GET1: variants seen among roughly 807,000 people sequenced by gnomAD.
GET1 encodes the protein congenital heart disease 5 protein.
Under a neutral mutation model 22.6 loss-of-function variants are expected in GET1, and 20 were observed. That is an observed-to-expected ratio of 0.89 (90% CI 0.62 to 1.29). The LOEUF (loss-of-function observed/expected upper bound fraction) is 1.29, where lower values mean the gene tolerates loss of function less well. Among genes scored for constraint, GET1 ranks in the 50% most tolerant of loss-of-function variants. GET1 has a pLI of 0.00. For missense variants in GET1, 209 were observed against 219.9 expected (o/e 0.95, Z 0.31); for synonymous variants, 92 against 83.8 (o/e 1.10, Z -0.53).
intron 1 of GET1, among the ~76,000 whole-genome samples, chr21:39,383,428 C>T (rs542717943): frequency 1.3e-5 from 2 of 150,676 alleles, no homozygotes; most frequent in African/African-American, 2.4e-5. Flanking sequence ...ATTACAGGTG[C>T]CCGCCACTAT....
downstream of GET1, chr21:39,406,617 A>G (rs1569057309): frequency 1.3e-6 from 2 of 1,556,654 alleles, no homozygotes; most frequent in Non-Finnish European, 1.7e-6. Context: ...ATAAATCTAT[A>G]TTAGAAAAAT....
chr21:39,413,746 T>C (rs548399499), intron 1 of GET1: 3 of 152,366 alleles, frequency 2.0e-5, no homozygotes, highest in South Asian at 2.1e-4. Context: ...TGAAGGATAC[T>C]GTGTAAAACA....
chr21:39,406,428 T>C (rs1003718729), exon 5 of GET1: 2 of 1,614,172 alleles, frequency 1.2e-6, no homozygotes, highest in Non-Finnish European at 1.7e-6. Flanking sequence ...ACTTTTCTCT[T>C]ACTAGAACAT....
chr21:39,428,485 C>T, exon 2 of GET1: 1 of 1,570,322 alleles, frequency 6.4e-7, no homozygotes. Flanking sequence ...TTAGATCAGC[C>T]AAAGACATAG....
intron 1 of GET1, chr21:39,420,554 T>C (rs1356246676): frequency 2.8e-5 from 8 of 290,200 alleles, no homozygotes; most frequent in African/African-American, 1.1e-4. Flanking sequence ...TAAACAGAAC[T>C]GTGGATGGGG....
intron 1 of GET1, among the ~76,000 whole-genome samples, chr21:39,419,152 CA>C (rs1307652147): frequency 1.3e-5 from 2 of 152,148 alleles, no homozygotes; most frequent in African/African-American, 4.8e-5. Flanking sequence ...CCCAACTCCT[CA>C]CCCCCCACTA....
chr21:39,405,674 A>C (rs1022702799), intron 4 of GET1, among the ~76,000 whole-genome samples: 2 of 152,200 alleles, frequency 1.3e-5, no homozygotes, highest in African/African-American at 4.8e-5. Context: ...TAAAGATGTA[A>C]ATTTGTATTT....
chr21:39,399,641 A>G (rs1283257925), downstream of GET1, among the ~76,000 whole-genome samples: 3 of 151,990 alleles, frequency 2.0e-5, no homozygotes, highest in African/African-American at 7.2e-5. Flanking sequence ...GGGTTTCACT[A>G]TGTTGGCCGG....
intron 4 of GET1, 79 bp downstream of exon 4, chr21:39,393,359 C>G: frequency 8.9e-7 from 1 of 1,122,722 alleles, no homozygotes; most frequent in Non-Finnish European, 1.3e-6. Context: ...TTAAGTTAGC[C>G]TGACATCCTC....
At chr21:39,391,177 GA>G in intron 2 of GET1, 7 of 227,518 alleles carry the variant, frequency 3.1e-5, no homozygotes, top group South Asian at 6.5e-5. Flanking sequence ...GAGAAGCCCA[GA>G]AAAAAAGTCT....
At chr21:39,405,282 G>A (rs562299499) in intron 4 of GET1, among the ~76,000 whole-genome samples, 4 of 152,074 alleles carry the variant, frequency 2.6e-5, no homozygotes, top group South Asian at 4.2e-4. Context: ...CTGAAGCCTC[G>A]ACCTGGGCAC....
downstream of GET1, among the ~76,000 whole-genome samples, chr21:39,400,863 C>G (rs2038822192): frequency 6.6e-6 from 1 of 151,580 alleles, no homozygotes; most frequent in African/African-American, 2.4e-5. Flanking sequence ...ATATTGGACT[C>G]TAAAGGGTAG....
chr21:39,394,161 C>G (rs1331564409), intron 4 of GET1, among the ~76,000 whole-genome samples: 1 of 151,956 alleles, frequency 6.6e-6, no homozygotes, highest in Admixed American at 6.6e-5. Context: ...GAAACCCTAT[C>G]TCTACTAAAA....
chr21:39,405,803 TCACA>T, intron 4 of GET1: 2 of 1,121,076 alleles, frequency 1.8e-6, no homozygotes, highest in Non-Finnish European at 2.5e-6. Context: ...ACTCCCTCTC[TCACA>T]CATTTCAAAA....
chr21:39,381,030 A>G, intron 1 of GET1: 1 of 803,858 alleles, frequency 1.2e-6, no homozygotes, highest in Non-Finnish European at 1.5e-6. Flanking sequence ...CCAGGTAGTG[A>G]GTACATTACC....
intron 1 of GET1, among the ~76,000 whole-genome samples, chr21:39,425,386 A>G (rs2074489475): frequency 6.6e-6 from 1 of 152,228 alleles, no homozygotes; most frequent in African/African-American, 2.4e-5. Flanking sequence ...GAAAGAACTC[A>G]TAGATTATAC....
chr21:39,390,879 C>T lies in GET1; in HGVS notation c.268+16C>T. The T allele has an allele frequency of 1.2e-6, 2 of 1,613,420 alleles. No individual in the cohort carries two copies. The highest frequency in any genetic ancestry group is 1.7e-6 in the Non-Finnish European group (2 of 1,179,564). On this transcript the variant is annotated intron_variant, in intron 2 of 4. Coordinates refer to ENST00000649170, the MANE Select transcript of GET1 (RefSeq NM_004627.6). ...AAAACCCATGGTACTGTGTCCCTTG[C>T]AGCCTGGAGGCTTCATGAGAGCGGA...
intron 1 of GET1, among the ~76,000 whole-genome samples, chr21:39,419,523 CAAAAAAAAAAAAG>C (rs2041907629): frequency 8.1e-6 from 1 of 123,556 alleles, no homozygotes; most frequent in African/African-American, 3.6e-5. Flanking sequence ...AGACCCTGTT[CAAAAAAAAAAAAG>C]AAAAAAGAAA....
At chr21:39,393,403 C>A in intron 4 of GET1, 123 bp downstream of exon 4, 1 of 748,304 alleles carries the variant, frequency 1.3e-6, no homozygotes, top group Non-Finnish European at 2.2e-6. Flanking sequence ...GGTTTTGTGT[C>A]TCAGCCTCAC....
Sources: gnomAD v4.1 joint callset for allele counts (sites outside exome capture counted in the v4.1 genomes callset) on GRCh38, gnomAD v4.1.1 for gene constraint, MANE v1.5 for transcripts, NCBI Gene and HGNC (gene_info 2026-07-23, HGNC 2026-07-21) for gene names.